The following NME7 variants were observed in gnomAD, a reference collection of about 807,000 sequenced individuals.
NME7 encodes the protein NME/NM23 family member 7, also known as nucleoside diphosphate kinase 7.
Under a neutral mutation model 49.1 loss-of-function variants are expected in NME7, and 41 were observed. The ratio of observed to expected loss-of-function variants is 0.83; its 90% CI spans 0.65 to 1.08. NME7 has a LOEUF of 1.08. Among genes scored for constraint, NME7 ranks in the 50% least tolerant of loss-of-function variants. NME7 has a pLI of 0.00. For missense variants in NME7, 423 were observed against 463.4 expected (o/e 0.91, Z 0.80); for synonymous variants, 139 against 150.6 (o/e 0.92, Z 0.56).
At chr1:169,360,373 G>A (rs1240003281) in intron 1 of NME7, among the ~76,000 whole-genome samples, 1 of 152,084 alleles carries the variant, frequency 6.6e-6, no homozygotes, top group Non-Finnish European at 1.5e-5. Flanking sequence ...TAAGCACCAA[G>A]AGACCAAATT....
chr1:169,149,933 G>A (rs1658861226), intron 11 of NME7, among the ~76,000 whole-genome samples: 1 of 152,196 alleles, frequency 6.6e-6, no homozygotes. Context: ...GTTCTGATAT[G>A]AGCCAGTCTT....
At chr1:169,255,411 G>T (rs201026371) in intron 7 of NME7, among the ~76,000 whole-genome samples, 10,337 of 103,312 alleles carry the variant, frequency 0.1, 45 homozygotes, top group Admixed American at 0.21. Flanking sequence ...TTTTCCATTT[G>T]CTTGGTAGAT....
At chr1:169,233,065 CCCA>C (rs956931264) in intron 9 of NME7, among the ~76,000 whole-genome samples, 69 of 151,232 alleles carry the variant, frequency 4.6e-4, no homozygotes, top group African/African-American at 1.6e-3. Context: ...ACTACAGGCA[CCCA>C]CCACCACATC....
chr1:169,271,166 A>G (rs1160417189), intron 7 of NME7, among the ~76,000 whole-genome samples: 2 of 133,750 alleles, frequency 1.5e-5, no homozygotes, highest in Admixed American at 1.5e-4. Context: ...TCTCTTAGAA[A>G]TGAGAAGTGA....
intron 7 of NME7, among the ~76,000 whole-genome samples, chr1:169,245,972 T>C (rs1052417274): frequency 6.6e-6 from 1 of 152,198 alleles, no homozygotes; most frequent in African/African-American, 2.4e-5. Flanking sequence ...CTGATAATCT[T>C]CCTGTAATTT....
At chr1:169,220,020 T>C (rs977660636) in intron 10 of NME7, among the ~76,000 whole-genome samples, 1 of 152,198 alleles carries the variant, frequency 6.6e-6, no homozygotes, top group Non-Finnish European at 1.5e-5. Context: ...GCCTCCTTCA[T>C]GAAAGATTTT....
At chr1:169,241,513 TTAAACACTATGCTTCAATCAATATGA>T (rs1648084808) in intron 7 of NME7, among the ~76,000 whole-genome samples, 1 of 151,962 alleles carries the variant, frequency 6.6e-6, no homozygotes, top group Admixed American at 6.6e-5. Flanking sequence ...AATCTAAATA[TTAAACACTATGCTTCAATCAATATGA>T]AAAGAAATTT....
intron 10 of NME7, among the ~76,000 whole-genome samples, chr1:169,226,822 A>C (rs564443974): frequency 6.6e-6 from 1 of 152,354 alleles, no homozygotes; most frequent in African/African-American, 2.4e-5. Context: ...AACATTTTAC[A>C]CGTTAAATCA....
intron 3 of NME7, among the ~76,000 whole-genome samples, 185 bp downstream of exon 3, chr1:169,322,932 G>T (rs187775852): frequency 1.3e-4 from 20 of 152,156 alleles, no homozygotes; most frequent in Admixed American, 4.6e-4. Flanking sequence ...AATTAAGTCA[G>T]ATGAGACATG....
At chr1:169,174,426 T>G (rs928844372) in intron 10 of NME7, among the ~76,000 whole-genome samples, 4 of 152,036 alleles carry the variant, frequency 2.6e-5, no homozygotes. Context: ...CAAATTAAAC[T>G]AGAAAAAGAT....
In NME7 at chr1:169,287,325, A is replaced by T; in HGVS notation, c.732T>A (p.Val244=). 6.2e-7 allele frequency: 1 copy of T among 1,612,368 alleles called. No individual in the cohort carries two copies. The highest frequency in any genetic ancestry group is 8.5e-7 in the Non-Finnish European group (1 of 1,179,120). ...AKFTNCTCCI[V]KPHAVSEGLL... is the part of the protein sequence containing the mutation. ...TACCTTCACTGACAGCATGGGGTTT[A>T]ACAATGCAACAGGTACAATTAGTAA... Residue 244 remains valine, a synonymous_variant, in exon 7 of 12, where the codon GTT becomes GTA. Transcript: ENST00000367811.
At chr1:169,190,773 C>T in intron 10 of NME7, 1 of 320,116 alleles carries the variant, frequency 3.1e-6, no homozygotes, top group South Asian at 2.5e-5. Flanking sequence ...GCATTTATCA[C>T]AGGAAGGAAG....
chr1:169,256,108 C>G lies in NME7; in HGVS notation c.755-18421G>C, dbSNP rs1648919468. On this transcript the variant is annotated intron_variant, in intron 7 of 11. Coordinates refer to ENST00000367811, the MANE Select transcript of NME7 (RefSeq NM_013330.5). ...TGTATTTCCTGAATCTGAATGTTGG[C>G]CTGCCTTGCTAGATTGGGGAAGTTC... Among the ~76,000 whole-genome samples, 2 of 133,008 alleles carry G rather than the reference C, an allele frequency of 1.5e-5. 1 individual carries two copies. The highest frequency in any genetic ancestry group is 4.6e-4 in the South Asian group (2 of 4,304). The allele number at this position is 133,008 out of a possible 152,430, so 87.3% of individuals were successfully genotyped here. A position where few individuals can be genotyped will look rare whatever the true frequency, so the allele number is the denominator to read the frequency against.
chr1:169,251,237 GTC>G (rs1648560627), intron 7 of NME7, among the ~76,000 whole-genome samples: 1 of 151,672 alleles, frequency 6.6e-6, no homozygotes, highest in South Asian at 2.1e-4. Flanking sequence ...GACCTTCTTT[GTC>G]TTTTTTTACT....
intron 10 of NME7, among the ~76,000 whole-genome samples, chr1:169,199,454 TTA>T (rs1261210192): frequency 6.8e-4 from 16 of 23,614 alleles, no homozygotes; most frequent in East Asian, 9.6e-3. Flanking sequence ...GTCTTTTTTA[TTA>T]TTATTATTAT....
At chr1:169,305,651 C>T (rs2101915229) in intron 4 of NME7, among the ~76,000 whole-genome samples, 1 of 152,208 alleles carries the variant, frequency 6.6e-6, no homozygotes, top group African/African-American at 2.4e-5. Context: ...AAAGAGTAGG[C>T]TTGTTTATTG....
chr1:169,204,341 C>G (rs1032733574), intron 10 of NME7, among the ~76,000 whole-genome samples: 1 of 151,528 alleles, frequency 6.6e-6, no homozygotes, highest in Non-Finnish European at 1.5e-5. Context: ...GATCACATGA[C>G]AGTGCTACTT....
chr1:169,174,309 T>C (rs1420747337), intron 10 of NME7, among the ~76,000 whole-genome samples: 1 of 152,212 alleles, frequency 6.6e-6, no homozygotes, highest in Admixed American at 6.5e-5. Flanking sequence ...TGATAAAATA[T>C]GTCTGGACAA....
rs181866261 is a variant in NME7 at position 169,134,365 on chromosome 1, T to C, written c.1099-1548A>G. Among the ~76,000 whole-genome samples, 475 of 152,270 alleles carry C rather than the reference T, an allele frequency of 3.1e-3. 1 individual carries two copies. The highest frequency in any genetic ancestry group is 5.4e-3 in the Non-Finnish European group (370 of 68,024). The stretch of plus-strand genomic sequence containing the variant: ...ACATATTTCATGGGTGTAGGGACAG[T>C]GCCATCTATCTCCCTTGGGGTGTTC... On this transcript the variant is annotated intron_variant, in intron 11 of 11. Coordinates refer to ENST00000367811, the MANE Select transcript of NME7 (RefSeq NM_013330.5).
Sources: gnomAD v4.1 joint callset for allele counts (sites outside exome capture counted in the v4.1 genomes callset) on GRCh38, gnomAD v4.1.1 for gene constraint, MANE v1.5 for transcripts, NCBI Gene and HGNC (gene_info 2026-07-23, HGNC 2026-07-21) for gene names.